The following KSR1 variants were observed in gnomAD, a reference collection of about 807,000 sequenced individuals.
KSR1 encodes the protein kinase suppressor of ras 1.
KSR1 carries 35 observed loss-of-function variants against 92.9 expected under a neutral mutation model. The observed-to-expected ratio is 0.38, with a 90% confidence interval of 0.29 to 0.50. The LOEUF (loss-of-function observed/expected upper bound fraction) is 0.50, where lower values mean the gene tolerates loss of function less well. Among genes scored for constraint, KSR1 ranks in the 20% least tolerant of loss-of-function variants. The pLI is 0.94. For synonymous variants in KSR1, 467 were observed against 472.6 expected (o/e 0.99, Z 0.15); for missense variants, 972 against 1,158.5 (o/e 0.84, Z 2.34).
At chr17:27,570,872 G>A (rs532260853) in intron 2 of KSR1, among the ~76,000 whole-genome samples, 6 of 152,332 alleles carry the variant, frequency 3.9e-5, no homozygotes, top group Non-Finnish European at 5.9e-5. Flanking sequence ...TGATTTGGCC[G>A]GTCTGAAGTG....
chr17:27,466,169 CCTTGAGCAGAGAAAGAGACAAG>C (rs2019684087), intron 1 of KSR1, among the ~76,000 whole-genome samples: 1 of 152,200 alleles, frequency 6.6e-6, no homozygotes, highest in African/African-American at 2.4e-5. Flanking sequence ...TGGCCTTAAG[CCTTGAGCAGAGAAAGAGACAAG>C]AAACTGTTGG....
rs986647646 is a variant in KSR1 at position 27,557,292 on chromosome 17, CGT to C, written c.372+6588_372+6589del. ...CACCCTGAAGGAATGGTTCCCTGTA[CGT>C]GTGAGAGAGGTTGGACCAAAAGACA... On this transcript the variant is annotated intron_variant, in intron 2 of 20. Coordinates refer to ENST00000644974, the MANE Select transcript of KSR1 (RefSeq NM_001394583.1). Among the ~76,000 whole-genome samples, 44 of 152,288 alleles carry C rather than the reference CGT, an allele frequency of 2.9e-4. 1 individual carries two copies. Among genetic ancestry groups the C allele is most frequent in the Admixed American group, 2.5e-3 (39 of 15,306 alleles).
chr17:27,621,952 T>C (rs970618322), intron 20 of KSR1: 15 of 1,612,900 alleles, frequency 9.3e-6, no homozygotes, highest in African/African-American at 5.3e-5. Context: ...CTGCCTTGCA[T>C]GCACCAGGGG....
At position 27,550,570 on chromosome 17, in the gene KSR1, G is replaced by A. The variant is rs759671199; in HGVS notation, c.234G>A (p.Ala78=). 32 of 764,672 alleles carry A rather than the reference G, an allele frequency of 4.2e-5. No homozygotes were observed. Among genetic ancestry groups the A allele is most frequent in the South Asian group, 1.7e-4 (13 of 74,612 alleles). 47.4% of individuals were successfully genotyped at this position (764,672 alleles called of 1,614,324 possible). A position where few individuals can be genotyped will look rare whatever the true frequency, so the allele number is the denominator to read the frequency against. The change falls in exon 2 of 21, where the codon GCG becomes GCA. Residue 78 remains alanine (A), a splice_region_variant and synonymous_variant. Coordinates refer to ENST00000644974, the MANE Select transcript of KSR1 (RefSeq NM_001394583.1). ...TTTCTTTTTTGGACTTTCTGCAGGC[G>A]AAGCTGGTCCGTTACATTTGTAAGC... ...LTQQEIRTLE[A]KLVRYICKQR...
In KSR1 at chr17:27,526,534, C is replaced by G. The variant is rs1377163451; in HGVS notation, c.232-24034C>G. The G allele has an allele frequency of 3.7e-6, 6 of 1,603,996 alleles. No homozygotes were observed. The Admixed American group carries it at 1.0e-4, about 27-fold the overall frequency. ...TCCTCTGCCATCTCACACTCTCGCT[C>G]TGTCTGCTGGATTTTGGCCACAATG... On this transcript the variant is annotated intron_variant, in intron 1 of 20. Coordinates refer to ENST00000644974, the MANE Select transcript of KSR1 (RefSeq NM_001394583.1).
chr17:27,582,746 C>G lies in KSR1; in HGVS notation c.621C>G (p.Pro207=), dbSNP rs766698718. The change falls in exon 4 of 21, where the codon CCC becomes CCG. Residue 207 remains proline (P), a synonymous_variant. Coordinates refer to ENST00000644974, the MANE Select transcript of KSR1 (RefSeq NM_001394583.1). ...ACACCCTCTCAGCAGCCAGCCTGCC[C>G]TGGCCCCCAGGGAGCTCCCAGCTGG... ...STDTLSAASL[P]WPPGSSQLGR... 6 of 1,613,810 alleles carry G rather than the reference C, an allele frequency of 3.7e-6. No homozygotes were observed. In the African/African-American group the frequency reaches 8.0e-5, roughly 22 times the overall value.
intron 5 of KSR1, chr17:27,585,944 GCCC>G: frequency 4.6e-6 from 2 of 439,326 alleles, no homozygotes; most frequent in Non-Finnish European, 8.2e-6. Flanking sequence ...TCTCCACCTT[GCCC>G]TTCCCCACCG....
chr17:27,462,416 A>G (rs1209696558), intron 1 of KSR1, among the ~76,000 whole-genome samples: 1 of 152,054 alleles, frequency 6.6e-6, no homozygotes, highest in Non-Finnish European at 1.5e-5. Context: ...CCGTGGCTCA[A>G]CTCTAGATGT....
chr17:27,521,272 A>G (rs562251228), intron 1 of KSR1, among the ~76,000 whole-genome samples: 3 of 151,834 alleles, frequency 2.0e-5, no homozygotes, highest in South Asian at 4.2e-4. Flanking sequence ...AGGACTGCTC[A>G]GGAGTTGCTT....
At chr17:27,604,849 C>A in intron 13 of KSR1, 121 bp downstream of exon 13, 1 of 945,820 alleles carries the variant, frequency 1.1e-6, no homozygotes, top group Non-Finnish European at 1.7e-6. Flanking sequence ...CTGTCCCAGG[C>A]ACCCATTGCA....
intron 2 of KSR1, among the ~76,000 whole-genome samples, chr17:27,553,658 C>T (rs2071484897): frequency 6.6e-6 from 1 of 152,226 alleles, no homozygotes; most frequent in South Asian, 2.1e-4. Context: ...GCTGTCATTC[C>T]ATCTTCCCCA....
At chr17:27,594,427 C>T (rs531276422) in intron 9 of KSR1, among the ~76,000 whole-genome samples, 34 of 152,188 alleles carry the variant, frequency 2.2e-4, no homozygotes, top group African/African-American at 7.5e-4. Context: ...GGGTCCTGCA[C>T]GACCACCTGC....
rs147009017 is a variant in KSR1, at chr17:27,498,199, G to A, written c.231+41325G>A. Among the ~76,000 whole-genome samples the A allele has an allele frequency of 2.8e-3, 425 of 151,898 alleles. 2 individuals are homozygous for A. The highest frequency in any genetic ancestry group is 9.7e-3 in the African/African-American group (403 of 41,406). On this transcript the variant is annotated intron_variant, in intron 1 of 20. Transcript: ENST00000644974. Reference sequence around the variant, plus strand: ...ACAAAATTTAGCCGAGTGTGGTGGCGGGCGCCTGTGGTCCCAGCTACTCGG... The same window carrying A: ...ACAAAATTTAGCCGAGTGTGGTGGCAGGCGCCTGTGGTCCCAGCTACTCGG...
chr17:27,465,908 C>T (rs1454996203), intron 1 of KSR1, among the ~76,000 whole-genome samples: 1 of 152,072 alleles, frequency 6.6e-6, no homozygotes, highest in East Asian at 1.9e-4. Flanking sequence ...TAGGAGCTAT[C>T]TGGAGAGCTC....
At chr17:27,583,739 A>G (rs1285284616) in intron 4 of KSR1, among the ~76,000 whole-genome samples, 1 of 152,256 alleles carries the variant, frequency 6.6e-6, no homozygotes, top group Non-Finnish European at 1.5e-5. Flanking sequence ...CTCTGAGAAC[A>G]TCATGTCAGT....
chr17:27,533,942 A>C (rs1166178650), intron 1 of KSR1, among the ~76,000 whole-genome samples: 6 of 149,560 alleles, frequency 4.0e-5, no homozygotes, highest in African/African-American at 7.5e-5. Context: ...AGCTTGTCCA[A>C]GGTGACAGGT....
chr17:27,544,240 C>T (rs1025343301), intron 1 of KSR1, among the ~76,000 whole-genome samples: 7 of 152,148 alleles, frequency 4.6e-5, no homozygotes, highest in African/African-American at 1.7e-4. Flanking sequence ...TAGAGATGTC[C>T]TTCATGGAGC....
At chr17:27,476,485 G>A (rs567218122) in intron 1 of KSR1, among the ~76,000 whole-genome samples, 58 of 152,116 alleles carry the variant, frequency 3.8e-4, no homozygotes, top group Non-Finnish European at 6.8e-4. Flanking sequence ...CTCAGGGAGC[G>A]CCCCTGCCTG....
At chr17:27,492,582 G>T (rs1252583446) in intron 1 of KSR1, among the ~76,000 whole-genome samples, 4 of 152,202 alleles carry the variant, frequency 2.6e-5, no homozygotes, top group African/African-American at 9.7e-5. Context: ...CAAAAGAGGT[G>T]AGTCCTGTGG....
Sources: gnomAD v4.1 joint callset for allele counts (sites outside exome capture counted in the v4.1 genomes callset) on GRCh38, gnomAD v4.1.1 for gene constraint, MANE v1.5 for transcripts, NCBI Gene and HGNC (gene_info 2026-07-23, HGNC 2026-07-21) for gene names.